Variants in NMRK1 observed in about 807,000 individuals in gnomAD.
NMRK1 encodes nicotinamide riboside kinase 1.
A neutral mutation model predicts 29.9 loss-of-function variants in NMRK1; 28 were observed. The ratio of observed to expected loss-of-function variants is 0.94; its 90% CI spans 0.69 to 1.28. The LOEUF is 1.28. Among genes scored for constraint, NMRK1 ranks in the 50% most tolerant of loss-of-function variants. The pLI, the probability that NMRK1 is intolerant of heterozygous loss-of-function variation, is 0.00. For synonymous variants in NMRK1, 58 were observed against 73.0 expected, an observed-to-expected ratio of 0.79 and a Z score of 1.05; for missense variants, 218 against 233.1, an observed-to-expected ratio of 0.94 and a Z score of 0.42.
At chr9:75,081,030 A>C (rs1171554385) in intron 2 of NMRK1, among the ~76,000 whole-genome samples, 1 of 152,180 alleles carries the variant, frequency 6.6e-6, no homozygotes, top group East Asian at 1.9e-4. Flanking sequence ...ATGGACTAAC[A>C]CACCCAGAAA....
At chr9:75,070,413 G>T (rs1466990002) in intron 4 of NMRK1, among the ~76,000 whole-genome samples, 1 of 152,166 alleles carries the variant, frequency 6.6e-6, no homozygotes, top group Non-Finnish European at 1.5e-5. Context: ...AGATAAGTTT[G>T]AAAGATACAT....
At chr9:75,084,536 C>T (rs571826132) in intron 1 of NMRK1, among the ~76,000 whole-genome samples, 1 of 152,330 alleles carries the variant, frequency 6.6e-6, no homozygotes, top group African/African-American at 2.4e-5. Flanking sequence ...TGCCTATAAT[C>T]CCAGCACTTT....
At chr9:75,063,068 T>A (rs1396822882) in intron 8 of NMRK1, among the ~76,000 whole-genome samples, 10 of 151,232 alleles carry the variant, frequency 6.6e-5, no homozygotes, top group Non-Finnish European at 1.0e-4. Flanking sequence ...CCCAGCATTT[T>A]GGGAGGCCGA....
chr9:75,062,307 A>G (rs1823068890), intron 8 of NMRK1, among the ~76,000 whole-genome samples: 1 of 151,358 alleles, frequency 6.6e-6, no homozygotes, highest in South Asian at 2.1e-4. Flanking sequence ...TTATACTATA[A>G]TTTTATAATG....
At chr9:75,065,617 C>A (rs1823294335) in intron 8 of NMRK1, among the ~76,000 whole-genome samples, 1 of 152,080 alleles carries the variant, frequency 6.6e-6, no homozygotes. Flanking sequence ...TTGCAACTGG[C>A]CAGAGAAATT....
chr9:75,068,636 T>C (rs1823508865), intron 7 of NMRK1, among the ~76,000 whole-genome samples: 1 of 152,204 alleles, frequency 6.6e-6, no homozygotes, highest in East Asian at 1.9e-4. Flanking sequence ...GAACTTGGTG[T>C]CGCAGAACTT....
intron 4 of NMRK1, among the ~76,000 whole-genome samples, chr9:75,074,881 T>G (rs1387373232): frequency 6.6e-6 from 1 of 152,230 alleles, no homozygotes; most frequent in Non-Finnish European, 1.5e-5. Flanking sequence ...AAGTTTTTCC[T>G]TAAGATAGAT....
chr9:75,075,713 T>C (rs569437445), intron 4 of NMRK1, among the ~76,000 whole-genome samples: 1 of 152,306 alleles, frequency 6.6e-6, no homozygotes, highest in East Asian at 1.9e-4. Context: ...CTAAAATATA[T>C]TCACAAACCT....
chr9:75,065,489 A>C (rs1823286906), intron 8 of NMRK1, among the ~76,000 whole-genome samples: 1 of 151,974 alleles, frequency 6.6e-6, no homozygotes, highest in African/African-American at 2.4e-5. Flanking sequence ...AAAAAATTTT[A>C]ATTTTTGTAG....
At chr9:75,073,777 G>A (rs899991622) in intron 4 of NMRK1, among the ~76,000 whole-genome samples, 4 of 152,064 alleles carry the variant, frequency 2.6e-5, no homozygotes, top group Non-Finnish European at 5.9e-5. Context: ...CTCCCACACC[G>A]ATTGTGGATT....
chr9:75,066,123 C>G (rs4357362), intron 8 of NMRK1: 45,565 of 320,266 alleles, frequency 0.14, 3,776 homozygotes, highest in Non-Finnish European at 0.18. Context: ...TGATGACCTT[C>G]AGCAGTAGGA....
intron 7 of NMRK1, 54 bp downstream of exon 7, chr9:75,068,942 T>G: frequency 3.2e-6 from 4 of 1,243,946 alleles, no homozygotes; most frequent in Non-Finnish European, 4.7e-6. Flanking sequence ...TTTTCTATAC[T>G]TTGAGGCAAA....
At chr9:75,074,260 T>TAAAAA (rs540580290) in intron 4 of NMRK1, among the ~76,000 whole-genome samples, 1 of 148,080 alleles carries the variant, frequency 6.8e-6, no homozygotes. Context: ...ATTGTTGGCT[T>TAAAAA]AAAAAAAAAA....
intron 2 of NMRK1, among the ~76,000 whole-genome samples, chr9:75,080,941 C>G (rs1587401267): frequency 6.6e-6 from 1 of 152,122 alleles, no homozygotes; most frequent in Admixed American, 6.5e-5. Flanking sequence ...TCTTGTAGAG[C>G]CTGCAGAACA....
chr9:75,068,907 T>A (rs1823527565), intron 7 of NMRK1, 89 bp downstream of exon 7: 1 of 851,858 alleles, frequency 1.2e-6, no homozygotes, highest in Non-Finnish European at 1.9e-6. Flanking sequence ...TAAGCATCCC[T>A]TTATACTTTT....
intron 1 of NMRK1, among the ~76,000 whole-genome samples, chr9:75,086,602 C>T (rs1360261485): frequency 6.6e-6 from 1 of 152,100 alleles, no homozygotes; most frequent in Non-Finnish European, 1.5e-5. Context: ...AAACACTTGC[C>T]TTTTGGATTC....
intron 8 of NMRK1, among the ~76,000 whole-genome samples, chr9:75,064,268 G>A (rs1447718923): frequency 2.6e-5 from 4 of 152,148 alleles, no homozygotes; most frequent in African/African-American, 9.7e-5. Context: ...TAGTCATAAA[G>A]GAAAGCTGGA....
At position 75,083,132 on chromosome 9, in the gene NMRK1, C is replaced by T; in HGVS notation, c.-17G>A. ...TGTTTTCATAATTAGCTTTGAAAAT[C>T]ACAGCTTCCTAATATTTCCTAAAAG... On this transcript the variant is annotated 5_prime_UTR_variant, in exon 2 of 9. Coordinates refer to ENST00000361092, the MANE Select transcript of NMRK1 (RefSeq NM_017881.3). 3 of 1,558,820 alleles carry T rather than the reference C, an allele frequency of 1.9e-6. No homozygotes were observed. The highest frequency in any genetic ancestry group is 2.7e-6 in the Non-Finnish European group (3 of 1,129,540).
At chr9:75,062,737 A>T (rs1322334877) in intron 8 of NMRK1, among the ~76,000 whole-genome samples, 1 of 152,172 alleles carries the variant, frequency 6.6e-6, no homozygotes, top group Non-Finnish European at 1.5e-5. Flanking sequence ...GCTTTCTATT[A>T]AACATTTAAA....
Sources: gnomAD v4.1 joint callset for allele counts (sites outside exome capture counted in the v4.1 genomes callset) on GRCh38, gnomAD v4.1.1 for gene constraint, MANE v1.5 for transcripts, NCBI Gene and HGNC (gene_info 2026-07-23, HGNC 2026-07-21) for gene names.